Variants in PSD3 observed in about 807,000 individuals in gnomAD.
PSD3 encodes PH and SEC7 domain-containing protein 3.
PSD3 carries 49 observed loss-of-function variants against 105.5 expected under a neutral mutation model. That is an observed-to-expected ratio of 0.46 (90% CI 0.37 to 0.59). PSD3 has a LOEUF of 0.59. PSD3 is among the 20% of genes least tolerant of loss of function. PSD3 has a pLI of 0.00. For synonymous variants in PSD3, 557 were observed against 457.8 expected, an observed-to-expected ratio of 1.22 and a Z score of -2.77; for missense variants, 1,561 against 1,263.8, an observed-to-expected ratio of 1.24 and a Z score of -3.57.
At chr8:18,839,211 T>C (rs1814406665) in intron 4 of PSD3, among the ~76,000 whole-genome samples, 1 of 152,062 alleles carries the variant, frequency 6.6e-6, no homozygotes, top group South Asian at 2.1e-4. Context: ...AGTGTAAATG[T>C]GGTGAGTTCA....
intron 2 of PSD3, among the ~76,000 whole-genome samples, chr8:18,928,138 GA>G (rs1389239875): frequency 2.6e-5 from 4 of 152,138 alleles, no homozygotes; most frequent in African/African-American, 7.2e-5. Context: ...ATCTCACCTG[GA>G]ATTGTAATAA....
At chr8:18,966,350 A>T (rs1336219739) in intron 1 of PSD3, among the ~76,000 whole-genome samples, 1 of 152,038 alleles carries the variant, frequency 6.6e-6, no homozygotes, top group Non-Finnish European at 1.5e-5. Flanking sequence ...CAGGTGAATC[A>T]CTTGAGGTCA....
At chr8:19,018,722 C>A (rs943967897) in intron 1 of PSD3, among the ~76,000 whole-genome samples, 1 of 152,102 alleles carries the variant, frequency 6.6e-6, no homozygotes, top group Non-Finnish European at 1.5e-5. Context: ...AGAGAAAATA[C>A]TTTTTCTTGA....
chr8:18,658,149 AT>A (rs932529952), intron 9 of PSD3, among the ~76,000 whole-genome samples: 3 of 152,108 alleles, frequency 2.0e-5, no homozygotes, highest in Non-Finnish European at 1.5e-5. Context: ...ATAGAATAGA[AT>A]TTTTTTTGTA....
intron 1 of PSD3, among the ~76,000 whole-genome samples, chr8:19,077,250 T>C (rs1037602907): frequency 1.3e-5 from 2 of 152,216 alleles, no homozygotes; most frequent in East Asian, 3.8e-4. Flanking sequence ...TTTCCAATGA[T>C]ATAACATTGT....
rs577750098 is a variant in PSD3 at position 18,767,643 on chromosome 8, A to T, written c.2083-2105T>A. On this transcript the variant is annotated intron_variant, in intron 8 of 15. Transcript: ENST00000327040. ...CCGCCTGTAACTCCAGCTACTTGGGAGGCTGAGGCAGAATAACTGCTTGAA... is the reference window on the plus strand; with the variant it reads ...CCGCCTGTAACTCCAGCTACTTGGGTGGCTGAGGCAGAATAACTGCTTGAA... Among the ~76,000 whole-genome samples the T allele has an allele frequency of 2.0e-5, 3 of 152,216 alleles. No homozygotes were observed. The South Asian group carries it at 6.2e-4, about 32-fold the overall frequency.
chr8:18,864,209 A>G (rs1816660601), intron 4 of PSD3, among the ~76,000 whole-genome samples: 1 of 152,262 alleles, frequency 6.6e-6, no homozygotes, highest in East Asian at 1.9e-4. Context: ...AGCATAGCTC[A>G]GTAAGAGCAC....
intron 1 of PSD3, among the ~76,000 whole-genome samples, chr8:18,938,230 G>A (rs28385536): frequency 0.012 from 1,867 of 152,286 alleles, 49 homozygotes; most frequent in African/African-American, 0.043. Context: ...AAATCCAAAC[G>A]AGAACAGGGA....
intron 12 of PSD3, among the ~76,000 whole-genome samples, chr8:18,592,801 C>G (rs1189157575): frequency 1.3e-5 from 2 of 152,066 alleles, no homozygotes; most frequent in East Asian, 1.9e-4. Flanking sequence ...CAGAACAGAG[C>G]CCTCAGAAAT....
At chr8:19,026,922 CTGAA>C (rs1306854535) in intron 1 of PSD3, among the ~76,000 whole-genome samples, 1 of 149,460 alleles carries the variant, frequency 6.7e-6, no homozygotes, top group Non-Finnish European at 1.5e-5. Flanking sequence ...AAAATGTTTA[CTGAA>C]TGAATGAGTG....
rs200038973 is a variant in PSD3 at position 18,872,611 on chromosome 8, G to C, written c.253C>G (p.Pro85Ala). The C allele has an allele frequency of 6.2e-7, 1 of 1,613,936 alleles. No individual in the cohort carries two copies. The highest frequency in any genetic ancestry group is 1.3e-5 in the African/African-American group (1 of 74,878). The change falls in exon 3 of 16, where the codon CCA becomes GCA. Residue 85 changes from proline (P) to alanine (A), a missense_variant. Transcript: ENST00000327040. ...CCCTGCTGCTCTTGTGGGTGGCATGGCAGAGCCTCACCATCAAATTCCAGA... is the reference window on the plus strand; with the variant it reads ...CCCTGCTGCTCTTGTGGGTGGCATGCCAGAGCCTCACCATCAAATTCCAGA... ...ASLEFDGEALPCHPQEQQGVQ... is the reference protein window; with the variant it reads ...ASLEFDGEALACHPQEQQGVQ...
At position 18,792,123 on chromosome 8, in the gene PSD3, T is replaced by TA. The variant is rs369761156; in HGVS notation, c.2082+7171dup. On this transcript the variant is annotated intron_variant, in intron 8 of 15. Transcript: ENST00000327040. ...TGCTTTTACGCTGTTGGTGGGAGTG[T>TA]AAATTAGTTTAATCATTGTGGAAGA... Among the ~76,000 whole-genome samples, 366 of 152,296 alleles carry TA rather than the reference T, an allele frequency of 2.4e-3. 3 individuals carry two copies. Among genetic ancestry groups the TA allele is most frequent in the African/African-American group, 7.9e-3 (329 of 41,566 alleles).
chr8:18,762,711 A>G (rs1806643091), intron 9 of PSD3, among the ~76,000 whole-genome samples: 1 of 152,242 alleles, frequency 6.6e-6, no homozygotes, highest in African/African-American at 2.4e-5. Context: ...GGCTCAATGT[A>G]TCATCTATCC....
intron 1 of PSD3, among the ~76,000 whole-genome samples, chr8:19,058,142 G>T (rs1828772100): frequency 6.6e-6 from 1 of 152,172 alleles, no homozygotes; most frequent in African/African-American, 2.4e-5. Flanking sequence ...TAACTTGGTT[G>T]AATCTCAAAA....
Position 18,600,405 on chromosome 8 carries a change from A to C in PSD3, c.2440T>G (p.Phe814Val). 6.2e-7 allele frequency: 1 copy of C among 1,605,512 alleles called. No homozygotes were observed. The highest frequency in any genetic ancestry group is 2.2e-5 in the East Asian group (1 of 44,836). Residue 814 changes from phenylalanine to valine, a missense_variant, in exon 12 of 16, where the codon TTT becomes GTT. Transcript: ENST00000327040. ...ACTGTTCCCTTCAGTACAGCATAAA[A>C]GGTTTTCCATCCTCGTTTTCCTCTT... ...TPRGKRGWKT[F>V]YAVLKGTVLY...
At chr8:18,677,540 G>A (rs1415944768) in intron 9 of PSD3, among the ~76,000 whole-genome samples, 3 of 152,186 alleles carry the variant, frequency 2.0e-5, no homozygotes, top group African/African-American at 7.2e-5. Flanking sequence ...GCAATATTGT[G>A]TAAGGAGTGA....
At chr8:18,931,618 T>C (rs377691603) in intron 2 of PSD3, among the ~76,000 whole-genome samples, 1 of 152,226 alleles carries the variant, frequency 6.6e-6, no homozygotes, top group Non-Finnish European at 1.5e-5. Context: ...ACATTTCCTA[T>C]GGCTTCCCCA....
At chr8:18,904,071 A>G (rs1042677379) in intron 2 of PSD3, among the ~76,000 whole-genome samples, 7 of 152,192 alleles carry the variant, frequency 4.6e-5, no homozygotes. Flanking sequence ...TGCAGGCTGT[A>G]CAGGAAGCAT....
chr8:18,906,741 T>C (rs1349224466), intron 2 of PSD3, among the ~76,000 whole-genome samples: 7 of 152,142 alleles, frequency 4.6e-5, no homozygotes, highest in Admixed American at 4.6e-4. Flanking sequence ...AACAAGTAAG[T>C]TCCAAATAAA....
Sources: allele counts gnomAD v4.1 joint callset (sites outside exome capture counted in the v4.1 genomes callset), GRCh38; gene constraint gnomAD v4.1.1; transcripts MANE v1.5; gene names NCBI Gene and HGNC (gene_info 2026-07-23, HGNC 2026-07-21).